The following UBA2 variants were observed in gnomAD, a reference collection of about 807,000 sequenced individuals.
The protein encoded by UBA2 is SUMO-activating enzyme subunit 2.
In UBA2, 11 loss-of-function variants were observed where a neutral mutation model predicts 77.2. The observed-to-expected ratio is 0.14, with a 90% CI of 0.09 to 0.24. The LOEUF is 0.24. UBA2 is among the 10% of genes least tolerant of loss of function. The pLI is 1.00. For missense variants in UBA2, 487 were observed against 781.7 expected (o/e 0.62, Z 4.50); for synonymous variants, 278 against 276.7 (o/e 1.00, Z -0.05).
rs1321165015 is a variant in UBA2 at position 34,470,045 on chromosome 19, A to G, written c.*824A>G. Reference sequence around the variant, plus strand: ...TGAGGCAGGTGGATCACCTGAGGTCAGTAGTTCAAGACCAACCTGGTCAAC... The same window carrying G: ...TGAGGCAGGTGGATCACCTGAGGTCGGTAGTTCAAGACCAACCTGGTCAAC... On this transcript the variant is annotated 3_prime_UTR_variant, in exon 17 of 17. Coordinates refer to ENST00000246548, the MANE Select transcript of UBA2 (RefSeq NM_005499.3). 1 of 151,696 alleles carries G rather than the reference A, an allele frequency of 6.6e-6. No individual in the cohort carries two copies. Among genetic ancestry groups the G allele is most frequent in the African/African-American group, 2.4e-5 (1 of 41,292 alleles). The allele number at this position is 151,696 out of a possible 1,614,324, so 9.4% of individuals were successfully genotyped here.
At chr19:34,449,342 C>T (rs2145531886) in intron 8 of UBA2, among the ~76,000 whole-genome samples, 1 of 152,140 alleles carries the variant, frequency 6.6e-6, no homozygotes, top group South Asian at 2.1e-4. Context: ...TGCTGGATTA[C>T]AGGTGTGAGC....
At chr19:34,468,170 G>C (rs930086949) in intron 16 of UBA2, among the ~76,000 whole-genome samples, 1 of 152,132 alleles carries the variant, frequency 6.6e-6, no homozygotes, top group African/African-American at 2.4e-5. Context: ...AAGGTTACCA[G>C]ATTTTGACTT....
chr19:34,463,096 C>CA (rs1029404956), intron 14 of UBA2, among the ~76,000 whole-genome samples: 3,180 of 120,668 alleles, frequency 0.026, 84 homozygotes, highest in African/African-American at 0.07. Context: ...GACTCTGTCT[C>CA]AAAAAAAAAA....
At chr19:34,442,862 T>G (rs1269330038) in intron 6 of UBA2, among the ~76,000 whole-genome samples, 1 of 152,210 alleles carries the variant, frequency 6.6e-6, no homozygotes, top group East Asian at 1.9e-4. Flanking sequence ...TAGGAAGTGT[T>G]AACATGCCAT....
intron 15 of UBA2, among the ~76,000 whole-genome samples, chr19:34,464,539 C>T (rs2075667693): frequency 6.9e-6 from 1 of 145,824 alleles, no homozygotes; most frequent in African/African-American, 2.5e-5. Flanking sequence ...ACCTGGGAGA[C>T]AGAGTGAGAC....
In UBA2 at chr19:34,456,080, T is replaced by C. The variant is rs193116944; in HGVS notation, c.1245+1524T>C. ...GTGTGAGCCACTGCACTTGGCCCGA[T>C]GCGCTCTTTTTTTCCTTTTCTTTTT... is the stretch of plus-strand genomic sequence containing the variant. On this transcript the variant is annotated intron_variant, in intron 12 of 16. Coordinates refer to ENST00000246548, the MANE Select transcript of UBA2 (RefSeq NM_005499.3). Among the ~76,000 whole-genome samples the C allele has an allele frequency of 7.4e-5, 11 of 148,528 alleles. No individual in the cohort carries two copies. The East Asian group carries it at 1.0e-3, about 14-fold the overall frequency.
intron 8 of UBA2, among the ~76,000 whole-genome samples, chr19:34,448,226 CTG>C (rs1211440050): frequency 1.3e-5 from 2 of 152,166 alleles, no homozygotes; most frequent in African/African-American, 4.8e-5. Context: ...GTACAGCCAT[CTG>C]TACTCCCACT....
At chr19:34,449,065 CTTTTTTT>C (rs11332668) in intron 8 of UBA2, among the ~76,000 whole-genome samples, 3 of 73,840 alleles carry the variant, frequency 4.1e-5, no homozygotes, top group African/African-American at 1.1e-4. Flanking sequence ...AAATATAAAT[CTTTTTTT>C]TTTTTTTTTT....
chr19:34,463,952 T>G, intron 14 of UBA2, 74 bp from the exon 15 acceptor site: 1 of 1,066,112 alleles, frequency 9.4e-7, no homozygotes. Flanking sequence ...AACAGAGGTT[T>G]AGCTTTTTAA....
chr19:34,454,171 AT>A, intron 10 of UBA2, 88 bp from the exon 11 acceptor site: 4 of 1,181,198 alleles, frequency 3.4e-6, no homozygotes, highest in African/African-American at 1.5e-5. Context: ...CTATAGTATT[AT>A]AAACACGTGA....
chr19:34,460,642 C>T, intron 14 of UBA2, 76 bp downstream of exon 14: 1 of 1,065,184 alleles, frequency 9.4e-7, no homozygotes, highest in South Asian at 1.5e-5. Flanking sequence ...GATTCATTTA[C>T]TGTATGTGAT....
At chr19:34,465,984 T>TG (rs1390405418) in intron 15 of UBA2, among the ~76,000 whole-genome samples, 2 of 152,126 alleles carry the variant, frequency 1.3e-5, no homozygotes, top group South Asian at 2.1e-4. Context: ...CTTGTAAAGA[T>TG]GGGGGGACCC....
At chr19:34,431,107 A>T (rs1212950371) in intron 2 of UBA2, among the ~76,000 whole-genome samples, 10 of 151,954 alleles carry the variant, frequency 6.6e-5, no homozygotes, top group Admixed American at 5.3e-4. Context: ...CTGTTTGGCA[A>T]ACCCCCACTT....
In UBA2 at chr19:34,463,588, AT is replaced by A; in HGVS notation, c.1499-436del. Among the ~76,000 whole-genome samples the A allele has an allele frequency of 2.6e-5, 4 of 152,102 alleles. 1 individual carries two copies. The East Asian group carries it at 7.7e-4, about 29-fold the overall frequency. The stretch of plus-strand genomic sequence containing the variant: ...TCCAGATTTTGGGATTGATTGATTG[AT>A]TGATTGATTGACTGGAGACAGAGTC... On this transcript the variant is annotated intron_variant, in intron 14 of 16. Coordinates refer to ENST00000246548, the MANE Select transcript of UBA2 (RefSeq NM_005499.3).
intron 8 of UBA2, 103 bp downstream of exon 8, chr19:34,445,224 G>A (rs1204877414): frequency 1.6e-6 from 2 of 1,241,990 alleles, no homozygotes; most frequent in Non-Finnish European, 2.2e-6. Flanking sequence ...ATTGAATTAA[G>A]CTTCTATGTA....
intron 14 of UBA2, among the ~76,000 whole-genome samples, chr19:34,462,861 G>A (rs2075646761): frequency 1.3e-5 from 2 of 152,142 alleles, no homozygotes; most frequent in South Asian, 2.1e-4. Flanking sequence ...TTGGGAGGCC[G>A]AGGTGGGTGG....
chr19:34,457,712 G>T (rs957326714), intron 12 of UBA2, among the ~76,000 whole-genome samples: 1 of 152,090 alleles, frequency 6.6e-6, no homozygotes, highest in Admixed American at 6.6e-5. Context: ...ATTCCTCTTA[G>T]CAGACTCAAC....
intron 9 of UBA2, 62 bp from the exon 10 acceptor site, chr19:34,451,917 CAG>C (rs2075503383): frequency 6.7e-6 from 6 of 892,840 alleles, no homozygotes; most frequent in South Asian, 2.7e-5. Flanking sequence ...ACTTGTTAAA[CAG>C]AGCACAGTAG....
intron 15 of UBA2, among the ~76,000 whole-genome samples, chr19:34,466,197 G>A (rs576827840): frequency 1.3e-5 from 2 of 152,114 alleles, no homozygotes; most frequent in South Asian, 4.1e-4. Context: ...TTAGCCAGGT[G>A]TGGTGGCGCG....
Sources: gnomAD v4.1 joint callset for allele counts (sites outside exome capture counted in the v4.1 genomes callset) on GRCh38, gnomAD v4.1.1 for gene constraint, MANE v1.5 for transcripts, NCBI Gene and HGNC (gene_info 2026-07-23, HGNC 2026-07-21) for gene names.